Variants in SLC66A2 observed in about 807,000 individuals in gnomAD.
SLC66A2 encodes PQ loop repeat containing 1.
SLC66A2 carries 23 observed loss-of-function variants against 25.5 expected under a neutral mutation model. The observed-to-expected ratio is 0.90, with a 90% confidence interval of 0.65 to 1.28. The LOEUF (loss-of-function observed/expected upper bound fraction) is 1.28. SLC66A2 is among the 50% of genes most tolerant of loss of function. The pLI is 0.00. For missense variants in SLC66A2, 396 were observed against 373.1 expected (o/e 1.06, Z -0.51); for synonymous variants, 193 against 166.5 (o/e 1.16, Z -1.23).
rs540740488 is a variant in SLC66A2, at chr18:79,914,248, A to G, written c.608+4936T>C. On this transcript the variant is annotated intron_variant, in intron 5 of 5. Transcript: ENST00000397778. The stretch of plus-strand genomic sequence containing the variant: ...GTATCTGTTAAGTACGTGTGTGTGC[A>G]CATTTTAAATACGTCATCTTAAACA... Among the ~76,000 whole-genome samples the G allele has an allele frequency of 2.6e-5, 4 of 152,344 alleles. No homozygotes were observed. The South Asian group carries it at 8.3e-4, about 32-fold the overall frequency.
chr18:79,948,570 G>C (rs1185609475), intron 2 of SLC66A2, among the ~76,000 whole-genome samples: 3 of 152,084 alleles, frequency 2.0e-5, no homozygotes, highest in Non-Finnish European at 4.4e-5. Flanking sequence ...TGAACTCCTG[G>C]CCTCAAGTGA....
intron 2 of SLC66A2, 166 bp from the exon 3 acceptor site, chr18:79,943,628 G>GCCTCT (rs1987909194): frequency 1.4e-6 from 1 of 696,554 alleles, no homozygotes; most frequent in Non-Finnish European, 2.3e-6. Flanking sequence ...CACCCACATC[G>GCCTCT]CCTCTCCCAG....
At chr18:79,942,751 T>C (rs1789447167) in intron 3 of SLC66A2, among the ~76,000 whole-genome samples, 1 of 152,248 alleles carries the variant, frequency 6.6e-6, no homozygotes, top group African/African-American at 2.4e-5. Context: ...AAGTATTTTC[T>C]ATTTTCTAAG....
At chr18:79,916,322 G>GTGGTGCCCCCC (rs1568302765) in intron 5 of SLC66A2, among the ~76,000 whole-genome samples, 3 of 144,662 alleles carry the variant, frequency 2.1e-5, no homozygotes, top group Non-Finnish European at 3.0e-5. Context: ...TGGTGCTCCC[G>GTGGTGCCCCCC]TACCCACAGT....
At chr18:79,910,569 A>G (rs1325716169) in intron 5 of SLC66A2, among the ~76,000 whole-genome samples, 1 of 152,236 alleles carries the variant, frequency 6.6e-6, no homozygotes, top group African/African-American at 2.4e-5. Flanking sequence ...CGCATCACAC[A>G]TGAATGAACT....
chr18:79,938,317 G>A (rs1246775383), intron 3 of SLC66A2, among the ~76,000 whole-genome samples: 1 of 152,162 alleles, frequency 6.6e-6, no homozygotes, highest in Non-Finnish European at 1.5e-5. Flanking sequence ...CAGCACACGA[G>A]AGACAGGTGT....
At position 79,950,861 on chromosome 18, in the gene SLC66A2, G is replaced by A; in HGVS notation, c.66C>T (p.Ala22=). The part of the protein sequence containing the change: ...PLHQLVSWGA[A]AAMVFGGVVP... Reference sequence around the variant, plus strand: ...CCACCCCTCCGAAGACCATGGCCGCGGCCGCGCCCCAGGACACCAGCTGGT... The same window carrying A: ...CCACCCCTCCGAAGACCATGGCCGCAGCCGCGCCCCAGGACACCAGCTGGT... The change falls in exon 2 of 6, where the codon GCC becomes GCT. Residue 22 remains alanine (A), a synonymous_variant. Transcript: ENST00000397778. 6.2e-7 allele frequency: 1 copy of A among 1,609,196 alleles called. No homozygotes were observed. Among genetic ancestry groups the A allele is most frequent in the Non-Finnish European group, 8.5e-7 (1 of 1,178,516 alleles).
At chr18:79,910,980 C>A (rs1043868200) in intron 5 of SLC66A2, among the ~76,000 whole-genome samples, 3 of 152,272 alleles carry the variant, frequency 2.0e-5, no homozygotes, top group Non-Finnish European at 4.4e-5. Context: ...TGGAATGCCC[C>A]TGGCTGCCAG....
chr18:79,943,366 C>T lies in SLC66A2; in HGVS notation c.300G>A (p.Val100=). 6.2e-7 allele frequency: 1 copy of T among 1,614,204 alleles called. No homozygotes were observed. Among genetic ancestry groups the T allele is most frequent in the Non-Finnish European group, 8.5e-7 (1 of 1,180,042 alleles). ...GGCGCCTGGCGTTGAGCTCGTTGGCCACACGGACCTCGGTGCACAGCTTCA... is the reference window on the plus strand; with the variant it reads ...GGCGCCTGGCGTTGAGCTCGTTGGCTACACGGACCTCGGTGCACAGCTTCA... ...LMLKLCTEVR[V]ANELNARRRS... Residue 100 remains valine, a synonymous_variant, in exon 3 of 6, where the codon GTG becomes GTA. Coordinates refer to ENST00000397778, the MANE Select transcript of SLC66A2 (RefSeq NM_025078.5).
intron 2 of SLC66A2, chr18:79,944,298 G>A (rs888506666): frequency 2.0e-5 from 3 of 152,504 alleles, no homozygotes; most frequent in African/African-American, 4.8e-5. Context: ...CAGAGCAGCA[G>A]GTGGGCCAGA....
chr18:79,934,089 G>T, intron 3 of SLC66A2, 67 bp from the exon 4 acceptor site: 3 of 1,255,640 alleles, frequency 2.4e-6, no homozygotes, highest in South Asian at 1.2e-5. Context: ...GTTTTAACAT[G>T]GGTAAACAGC....
At chr18:79,951,071 G>A (rs1015758793) in intron 1 of SLC66A2, 46 bp from the exon 2 acceptor site, 13 of 535,936 alleles carry the variant, frequency 2.4e-5, no homozygotes, top group Middle Eastern at 1.1e-3. Context: ...GGGAGGCTGG[G>A]GCGGCGCGCA....
chr18:79,916,363 T>C (rs1489963457), intron 5 of SLC66A2, among the ~76,000 whole-genome samples: 3 of 150,924 alleles, frequency 2.0e-5, no homozygotes, highest in Non-Finnish European at 4.4e-5. Context: ...GACGTTGGGG[T>C]GCTTTAGGCC....
intron 2 of SLC66A2, among the ~76,000 whole-genome samples, chr18:79,950,071 C>A (rs761673726): frequency 1.3e-5 from 2 of 152,070 alleles, no homozygotes; most frequent in Non-Finnish European, 2.9e-5. Flanking sequence ...GGCCAGGCGC[C>A]GTGGCTCAGC....
chr18:79,909,559 C>CCAGAGTCCCCAGCCTTCCCCACCATCT (rs1177928076), intron 5 of SLC66A2, among the ~76,000 whole-genome samples: 3 of 149,264 alleles, frequency 2.0e-5, no homozygotes, highest in Non-Finnish European at 4.5e-5. Flanking sequence ...CACACCCTCA[C>CCAGAGTCCCCAGCCTTCCCCACCATCT]CAGAGTCCCC....
chr18:79,931,116 T>C (rs2144864582), intron 4 of SLC66A2, among the ~76,000 whole-genome samples: 1 of 152,256 alleles, frequency 6.6e-6, no homozygotes, highest in South Asian at 2.1e-4. Flanking sequence ...TTAGAAAATA[T>C]TTACTTAATA....
intron 4 of SLC66A2, among the ~76,000 whole-genome samples, chr18:79,930,679 T>C (rs886651890): frequency 6.6e-6 from 1 of 152,180 alleles, no homozygotes; most frequent in African/African-American, 2.4e-5. Flanking sequence ...ATAATATTAA[T>C]AGCACAAATG....
rs1212491090 is a variant in SLC66A2 at position 79,941,770 on chromosome 18, C to G, written c.337+1559G>C. 6.6e-6 allele frequency: 1 copy of G among 152,612 alleles called. No homozygotes were observed. Among genetic ancestry groups the G allele is most frequent in the Non-Finnish European group, 1.5e-5 (1 of 68,354 alleles). The allele number at this position is 152,612 out of a possible 1,614,324, so 9.5% of individuals were successfully genotyped here. A position where few individuals can be genotyped will look rare whatever the true frequency, so the allele number is the denominator to read the frequency against. ...ACTCACAACCTGCCGTCTCTGGGACCTCACATCAAGCCACTGCCCACTGCC... is the reference window on the plus strand; with the variant it reads ...ACTCACAACCTGCCGTCTCTGGGACGTCACATCAAGCCACTGCCCACTGCC... On this transcript the variant is annotated intron_variant, in intron 3 of 5. Transcript: ENST00000397778. The surrounding 1 kb of genome is among the most constrained non-coding windows in gnomAD (Gnocchi z 4.1).
At chr18:79,934,738 T>A (rs546447118) in intron 3 of SLC66A2, among the ~76,000 whole-genome samples, 1 of 152,174 alleles carries the variant, frequency 6.6e-6, no homozygotes, top group African/African-American at 2.4e-5. Context: ...TTGAAGACAG[T>A]TGATAAACAA....
Sources: gnomAD v4.1 joint callset for allele counts (sites outside exome capture counted in the v4.1 genomes callset) on GRCh38, gnomAD v4.1.1 for gene constraint, Gnocchi (gnomAD v3.1) non-coding constraint, MANE v1.5 for transcripts, NCBI Gene and HGNC (gene_info 2026-07-23, HGNC 2026-07-21) for gene names.